The following ABLIM1 variants were observed in gnomAD, a reference collection of about 807,000 sequenced individuals.
ABLIM1 encodes the protein actin-binding LIM protein 1.
ABLIM1 carries 40 observed loss-of-function variants against 107.0 expected under a neutral mutation model. The observed-to-expected ratio is 0.37, with a 90% CI of 0.29 to 0.49. The LOEUF (loss-of-function observed/expected upper bound fraction) is 0.49. Among genes scored for constraint, ABLIM1 ranks in the 20% least tolerant of loss-of-function variants. ABLIM1 has a pLI of 0.97. For missense variants in ABLIM1, 857 were observed against 1,008.5 expected (o/e 0.85, Z 2.04); for synonymous variants, 357 against 357.3 (o/e 1.00, Z 0.01).
chr10:114,644,300 A>T (rs1229583180), intron 1 of ABLIM1, among the ~76,000 whole-genome samples: 92 of 90,698 alleles, frequency 1.0e-3, no homozygotes, highest in African/African-American at 4.7e-3. Flanking sequence ...AAAAAAAAAA[A>T]AAAAAAATAT....
intron 1 of ABLIM1, among the ~76,000 whole-genome samples, chr10:114,671,255 G>T (rs79353469): frequency 2.0e-5 from 3 of 152,206 alleles, no homozygotes; most frequent in African/African-American, 7.2e-5. Flanking sequence ...CCATGCAGTT[G>T]TGTGTATCTG....
chr10:114,484,898 A>G lies in ABLIM1; in HGVS notation c.1041+3060T>C, dbSNP rs150004593. On this transcript the variant is annotated intron_variant, in intron 8 of 22. Transcript: ENST00000533213. Reference sequence around the variant, plus strand: ...TGACATTCCAAGGAGCATGGCCTACATGAGCCATAGCCTGGGATGGGTTTC... The same window carrying G: ...TGACATTCCAAGGAGCATGGCCTACGTGAGCCATAGCCTGGGATGGGTTTC... 2.8e-3 allele frequency among the ~76,000 whole-genome samples: 420 copies of G among 152,342 alleles called. 2 individuals are homozygous for G. Among genetic ancestry groups the G allele is most frequent in the African/African-American group, 9.6e-3 (398 of 41,580 alleles).
chr10:114,638,015 C>T (rs139091341), intron 1 of ABLIM1, among the ~76,000 whole-genome samples: 3 of 152,320 alleles, frequency 2.0e-5, no homozygotes, highest in East Asian at 3.9e-4. Flanking sequence ...CTTACCACCA[C>T]CAAGTGCTCT....
chr10:114,740,329 A>G lies in ABLIM1; in HGVS notation c.-213+27732T>C, dbSNP rs887057017. Among the ~76,000 whole-genome samples, 103 of 152,258 alleles carry G rather than the reference A, an allele frequency of 6.8e-4. 1 individual carries two copies. Among genetic ancestry groups the G allele is most frequent in the African/African-American group, 2.4e-3 (101 of 41,554 alleles). ...TGCTACATACAAGCAAAGCAGGCGC[A>G]CTAACACAAATGGACAGTTACAGAT... On this transcript the variant is annotated intron_variant, in intron 1 of 15. Transcript: ENST00000651092.
chr10:114,649,438 A>T (rs1482887991), intron 1 of ABLIM1, among the ~76,000 whole-genome samples: 1 of 149,048 alleles, frequency 6.7e-6, no homozygotes, highest in Non-Finnish European at 1.5e-5. Flanking sequence ...TAAATAAATA[A>T]ATAAATAAAT....
chr10:114,464,798 A>G (rs907466047), intron 12 of ABLIM1, among the ~76,000 whole-genome samples: 7 of 152,242 alleles, frequency 4.6e-5, no homozygotes, highest in African/African-American at 1.7e-4. Flanking sequence ...AAAAGGTAGC[A>G]TATGGGTTTG....
intron 1 of ABLIM1, among the ~76,000 whole-genome samples, chr10:114,693,561 C>T (rs1422063077): frequency 2.6e-5 from 4 of 152,222 alleles, no homozygotes; most frequent in Non-Finnish European, 4.4e-5. Flanking sequence ...CTTCCTCGCA[C>T]AGCGCACAGC....
At chr10:114,763,439 G>C (rs2082800026) in intron 1 of ABLIM1, among the ~76,000 whole-genome samples, 1 of 151,744 alleles carries the variant, frequency 6.6e-6, no homozygotes, top group African/African-American at 2.4e-5. Flanking sequence ...CCAGGCTGGA[G>C]TGCAGTGACA....
intron 4 of ABLIM1, 24 bp from the exon 5 acceptor site, chr10:114,547,800 GT>G (rs1565899079): frequency 6.2e-7 from 1 of 1,602,728 alleles, no homozygotes; most frequent in South Asian, 1.1e-5. Flanking sequence ...GCCGCCAGTG[GT>G]TACTACACAT....
intron 1 of ABLIM1, among the ~76,000 whole-genome samples, chr10:114,633,306 G>A (rs565058356): frequency 1.3e-5 from 2 of 152,258 alleles, no homozygotes; most frequent in South Asian, 4.2e-4. Flanking sequence ...CATTTGGTGG[G>A]TCTGGGGAGA....
In ABLIM1 at chr10:114,725,188, T is replaced by C. The variant is rs181077820; in HGVS notation, c.-213+42873A>G. ...CCTCCGAATTTAAAGAGCCCATAAT[T>C]TGTGAACTAACAAATTCCACAACTA... On this transcript the variant is annotated intron_variant, in intron 1 of 15. Coordinates refer to the ABLIM1 transcript ENST00000651092. Among the ~76,000 whole-genome samples the C allele has an allele frequency of 1.9e-3, 285 of 152,252 alleles. 3 individuals are homozygous for C. The highest frequency in any genetic ancestry group is 3.1e-4 in the Non-Finnish European group (21 of 68,022).
At chr10:114,625,819 G>A (rs1041254045) in intron 1 of ABLIM1, among the ~76,000 whole-genome samples, 8 of 152,174 alleles carry the variant, frequency 5.3e-5, no homozygotes, top group Non-Finnish European at 1.2e-4. Flanking sequence ...CTACATGCTA[G>A]CTAAGTGATC....
At chr10:114,790,549 A>G in the ABLIM1 span, among the ~76,000 whole-genome samples, 1 of 152,230 alleles carries the variant, frequency 6.6e-6, no homozygotes, top group Non-Finnish European at 1.5e-5. Context: ...CTTGCTCAAA[A>G]ATTACTAAAA....
intron 11 of ABLIM1, among the ~76,000 whole-genome samples, chr10:114,466,485 C>G (rs149064578): frequency 3.6e-4 from 55 of 152,182 alleles, no homozygotes; most frequent in African/African-American, 1.2e-3. Context: ...CATACTATCA[C>G]CTCCCTCCCC....
chr10:114,549,021 G>A (rs1176549243), intron 4 of ABLIM1, among the ~76,000 whole-genome samples: 2 of 152,304 alleles, frequency 1.3e-5, no homozygotes, highest in African/African-American at 4.8e-5. Flanking sequence ...CCCAATCGCT[G>A]ACCTGGTCCT....
chr10:114,595,824 C>T (rs2075361694), intron 2 of ABLIM1, among the ~76,000 whole-genome samples: 1 of 152,188 alleles, frequency 6.6e-6, no homozygotes, highest in African/African-American at 2.4e-5. Context: ...GCCTTTTGCT[C>T]TTTCCCAGGG....
intron 8 of ABLIM1, among the ~76,000 whole-genome samples, chr10:114,484,919 G>C (rs1018160004): frequency 1.3e-5 from 2 of 152,212 alleles, no homozygotes; most frequent in Admixed American, 1.3e-4. Context: ...CCTGGGATGG[G>C]TTTCTGTACC....
At position 114,436,226 on chromosome 10, in the gene ABLIM1, A is replaced by G. The variant is rs767661626; in HGVS notation, c.*34T>C. The stretch of plus-strand genomic sequence containing the variant: ...CATCCTATGGGGCACCGCCACTGTC[A>G]GTCCTTTCTCTAATTGCCATTCACG... On this transcript the variant is annotated 3_prime_UTR_variant, in exon 23 of 23. Coordinates refer to ENST00000533213, the MANE Select transcript of ABLIM1 (RefSeq NM_002313.7). The G allele has an allele frequency of 2.6e-6, 4 of 1,558,860 alleles. No individual in the cohort carries two copies. The Admixed American group carries it at 5.1e-5, about 20-fold the overall frequency.
upstream of ABLIM1, among the ~76,000 whole-genome samples, chr10:114,661,281 G>C (rs906107262): frequency 6.6e-6 from 1 of 152,152 alleles, no homozygotes; most frequent in African/African-American, 2.4e-5. Flanking sequence ...ATGTGAGGGG[G>C]CTGACTCCAT....
Sources: allele counts gnomAD v4.1 joint callset (sites outside exome capture counted in the v4.1 genomes callset), GRCh38; gene constraint gnomAD v4.1.1; transcripts MANE v1.5; gene names NCBI Gene and HGNC (gene_info 2026-07-23, HGNC 2026-07-21).